Variants in ACER3 observed in about 807,000 individuals in gnomAD.
The protein encoded by ACER3 is alkaline ceramidase 3, also known as alkCDase 3.
In ACER3, 16 loss-of-function variants were observed where a neutral mutation model predicts 48.9. The observed-to-expected ratio is 0.33, with a 90% CI of 0.22 to 0.50. ACER3 has a LOEUF of 0.50. Among genes scored for constraint, ACER3 ranks in the 20% least tolerant of loss-of-function variants. The pLI is 0.98. For missense variants in ACER3, 227 were observed against 326.0 expected, an observed-to-expected ratio of 0.70 and a Z score of 2.34; for synonymous variants, 109 against 107.8, an observed-to-expected ratio of 1.01 and a Z score of -0.07.
chr11:76,863,396 C>G (rs1944990621), intron 1 of ACER3, among the ~76,000 whole-genome samples: 1 of 152,102 alleles, frequency 6.6e-6, no homozygotes, highest in African/African-American at 2.4e-5. Context: ...AGGGTTTTGA[C>G]ATAGGAATCA....
chr11:77,021,052 T>C lies in ACER3; in HGVS notation c.*725T>C, dbSNP rs1949462997. ...TTCTGAAGCTCCATGAGGACATGTA[T>C]AGAATGCTGCACCTTCAGCCAGCTC... On this transcript the variant is annotated 3_prime_UTR_variant, in exon 11 of 11. Coordinates refer to ENST00000532485, the MANE Select transcript of ACER3 (RefSeq NM_018367.7). 1 of 152,308 alleles carries C rather than the reference T, an allele frequency of 6.6e-6. No individual in the cohort carries two copies. Among genetic ancestry groups the C allele is most frequent in the Non-Finnish European group, 1.5e-5 (1 of 68,104 alleles). The allele number at this position is 152,308 out of a possible 1,614,324, so 9.4% of individuals were successfully genotyped here. A position where few individuals can be genotyped will look rare whatever the true frequency, so the allele number is the denominator to read the frequency against.
chr11:77,015,918 C>T (rs1555023204), intron 8 of ACER3, among the ~76,000 whole-genome samples: 1 of 152,074 alleles, frequency 6.6e-6, no homozygotes, highest in Admixed American at 6.5e-5. Flanking sequence ...ACCAGCCAGG[C>T]CAACATGGTG....
chr11:77,014,921 C>G (rs1392824770), intron 7 of ACER3, 95 bp from the exon 8 acceptor site: 1 of 747,262 alleles, frequency 1.3e-6, no homozygotes, highest in Non-Finnish European at 2.4e-6. Flanking sequence ...GAGATCCCAG[C>G]CCTTATAAAA....
At chr11:76,962,628 G>T (rs373683229) in intron 3 of ACER3, among the ~76,000 whole-genome samples, 3 of 151,470 alleles carry the variant, frequency 2.0e-5, no homozygotes, top group South Asian at 4.1e-4. Flanking sequence ...CTCTATCCTA[G>T]CCAATGTCTA....
At chr11:77,005,986 TATA>T (rs1412836263) in intron 7 of ACER3, among the ~76,000 whole-genome samples, 8 of 33,894 alleles carry the variant, frequency 2.4e-4, no homozygotes, top group African/African-American at 4.6e-4. Context: ...TATATATATA[TATA>T]TATTTTTTTT....
intron 2 of ACER3, among the ~76,000 whole-genome samples, chr11:76,944,228 G>C (rs1400216628): frequency 2.0e-5 from 3 of 151,952 alleles, no homozygotes; most frequent in African/African-American, 7.2e-5. Context: ...TTTTGTCTTT[G>C]TGGTTTAATG....
chr11:76,885,371 T>C (rs1423904037), intron 1 of ACER3, among the ~76,000 whole-genome samples: 1 of 152,132 alleles, frequency 6.6e-6, no homozygotes, highest in Non-Finnish European at 1.5e-5. Flanking sequence ...CCATGCTGGT[T>C]TGCTGCACCC....
intron 2 of ACER3, among the ~76,000 whole-genome samples, chr11:76,939,591 A>G (rs181878931): frequency 2.0e-5 from 3 of 152,262 alleles, no homozygotes; most frequent in Middle Eastern, 3.4e-3. Flanking sequence ...GTGAGATGCT[A>G]TCTCTAAAAA....
intron 1 of ACER3, among the ~76,000 whole-genome samples, chr11:76,897,895 A>C (rs1199895851): frequency 6.6e-6 from 1 of 152,224 alleles, no homozygotes; most frequent in South Asian, 2.1e-4. Flanking sequence ...TTGAGACAAC[A>C]TTATACTTTG....
chr11:76,968,488 A>G (rs1948201278), intron 3 of ACER3, among the ~76,000 whole-genome samples: 1 of 152,242 alleles, frequency 6.6e-6, no homozygotes, highest in Non-Finnish European at 1.5e-5. Context: ...TAGCCAAGTC[A>G]ATCCTAAGCC....
At chr11:76,944,741 T>C (rs1947430555) in intron 2 of ACER3, among the ~76,000 whole-genome samples, 2 of 152,312 alleles carry the variant, frequency 1.3e-5, no homozygotes, top group South Asian at 4.1e-4. Context: ...AATCTGGATG[T>C]CTAACTCTCT....
At chr11:76,962,212 G>C (rs1948013250) in intron 3 of ACER3, among the ~76,000 whole-genome samples, 1 of 90,504 alleles carries the variant, frequency 1.1e-5, no homozygotes, top group Non-Finnish European at 1.9e-5. Flanking sequence ...ACCATGCCCA[G>C]CTAATTTTTT....
intron 7 of ACER3, among the ~76,000 whole-genome samples, chr11:77,008,807 G>A (rs1949205409): frequency 6.6e-6 from 1 of 152,082 alleles, no homozygotes; most frequent in African/African-American, 2.4e-5. Context: ...TATAATTCCA[G>A]CACTTAGGGA....
At position 77,023,309 on chromosome 11, in the gene ACER3, T is replaced by C. The variant is rs1555024902; in HGVS notation, c.*2982T>C. The C allele has an allele frequency of 2.5e-6, 1 of 395,718 alleles. No homozygotes were observed. The highest frequency in any genetic ancestry group is 4.5e-6 in the Non-Finnish European group (1 of 224,224). The allele number at this position is 395,718 out of a possible 1,614,324, so 24.5% of individuals were successfully genotyped here. A position where few individuals can be genotyped will look rare whatever the true frequency, so the allele number is the denominator to read the frequency against. On this transcript the variant is annotated 3_prime_UTR_variant, in exon 11 of 11. Coordinates refer to ENST00000532485, the MANE Select transcript of ACER3 (RefSeq NM_018367.7). ...GACTTCCCTTACCCTAAGAGGGTTT[T>C]TCTTATAATAAGGAGAAGAGGTGTG...
chr11:76,970,707 T>A (rs1001296650), intron 3 of ACER3, among the ~76,000 whole-genome samples: 1 of 152,140 alleles, frequency 6.6e-6, no homozygotes. Flanking sequence ...TTACTTACCA[T>A]AAAATTCACC....
intron 2 of ACER3, among the ~76,000 whole-genome samples, chr11:76,953,351 C>T (rs938597775): frequency 2.0e-5 from 3 of 152,120 alleles, no homozygotes; most frequent in Middle Eastern, 6.3e-3. Context: ...GTAATCCCAG[C>T]GCTTTGGGAG....
Position 76,967,363 on chromosome 11 carries a change from G to A in ACER3, c.267+8332G>A, listed in dbSNP as rs1051031498. Among the ~76,000 whole-genome samples, 5 of 152,120 alleles carry A rather than the reference G, an allele frequency of 3.3e-5. No homozygotes were observed. The East Asian group carries it at 5.8e-4, about 18-fold the overall frequency. ...TCCAGGACCAGACGGATTCACAGCC[G>A]AATTCTACCAGAGGTACAAGGAGAA... is the stretch of plus-strand genomic sequence containing the variant. On this transcript the variant is annotated intron_variant, in intron 3 of 10. Coordinates refer to ENST00000532485, the MANE Select transcript of ACER3 (RefSeq NM_018367.7).
At position 77,016,677 on chromosome 11, in the gene ACER3, A is replaced by T. The variant is rs1297321556; in HGVS notation, c.602A>T (p.Asn201Ile). The T allele has an allele frequency of 6.5e-7, 1 of 1,544,680 alleles. No homozygotes were observed. The highest frequency in any genetic ancestry group is 1.4e-5 in the African/African-American group (1 of 72,446). Residue 201 changes from asparagine (N) to isoleucine (I), a missense_variant and splice_region_variant, in exon 9 of 11, where the codon AAC becomes ATC. Around this residue, in one of 3 missense-constraint regions of ACER3, gnomAD observed 195 missense variants for 290.8 expected, o/e 0.67. Coordinates refer to ENST00000532485, the MANE Select transcript of ACER3 (RefSeq NM_018367.7). ...IDNIFCESLR[N>I]FRKKVPPIIG... ...ATTTTCTCCCTCTCTCCACACAGGA[A>T]CTTTCGAAAGAAGGTACCACCTATC... is the stretch of plus-strand genomic sequence containing the variant.
chr11:76,942,351 T>A (rs945325338), intron 2 of ACER3, among the ~76,000 whole-genome samples: 1 of 152,028 alleles, frequency 6.6e-6, no homozygotes, highest in Non-Finnish European at 1.5e-5. Flanking sequence ...TTCTATGCCT[T>A]GTTGAGGATT....
Sources: allele counts gnomAD v4.1 joint callset (sites outside exome capture counted in the v4.1 genomes callset), GRCh38; gene constraint gnomAD v4.1.1; regional missense constraint gnomAD v4.1.1; transcripts MANE v1.5; gene names NCBI Gene and HGNC (gene_info 2026-07-23, HGNC 2026-07-21).